Variants in KCND2 observed in about 807,000 individuals in gnomAD.
KCND2 encodes the protein potassium voltage-gated channel subfamily D member 2, also known as A-type voltage-gated potassium channel KCND2.
In KCND2, 16 loss-of-function variants were observed where a neutral mutation model predicts 54.4. The ratio of observed to expected loss-of-function variants is 0.29; its 90% CI spans 0.20 to 0.45. KCND2 has a LOEUF of 0.45. Ranked by LOEUF, KCND2 falls within the 20% of genes least tolerant of loss-of-function variation. The pLI is 1.00. For synonymous variants in KCND2, 317 were observed against 310.7 expected (o/e 1.02, Z -0.21); for missense variants, 486 against 824.2 (o/e 0.59, Z 5.02).
chr7:120,502,958 C>T (rs1802957944), intron 1 of KCND2, among the ~76,000 whole-genome samples: 1 of 152,004 alleles, frequency 6.6e-6, no homozygotes, highest in Non-Finnish European at 1.5e-5. Context: ...ACTTTCCTAG[C>T]TATTTTATAT....
intron 1 of KCND2, among the ~76,000 whole-genome samples, chr7:120,327,670 G>A (rs570422721): frequency 2.4e-4 from 36 of 151,978 alleles, no homozygotes; most frequent in African/African-American, 8.4e-4. Flanking sequence ...CATCAGGAAG[G>A]GATGGAAAAT....
chr7:120,495,474 G>T (rs932670385), intron 1 of KCND2, among the ~76,000 whole-genome samples: 1 of 152,024 alleles, frequency 6.6e-6, no homozygotes, highest in African/African-American at 2.4e-5. Context: ...AGAAAGTTGG[G>T]GCTGTAATGT....
chr7:120,703,167 G>A (rs1475098981), intron 1 of KCND2, among the ~76,000 whole-genome samples: 1 of 152,146 alleles, frequency 6.6e-6, no homozygotes, highest in African/African-American at 2.4e-5. Flanking sequence ...ATCTGAACAG[G>A]AGTCAAATTT....
At chr7:120,543,237 A>G (rs540239543) in intron 1 of KCND2, among the ~76,000 whole-genome samples, 4 of 150,166 alleles carry the variant, frequency 2.7e-5, no homozygotes, top group African/African-American at 9.8e-5. Flanking sequence ...CTTTTTTTTC[A>G]CTTCCTCTCT....
At chr7:120,309,908 A>G (rs1563004711) in intron 1 of KCND2, among the ~76,000 whole-genome samples, 2 of 152,152 alleles carry the variant, frequency 1.3e-5, no homozygotes, top group Non-Finnish European at 2.9e-5. Context: ...AGTCTGTCAT[A>G]ATGATTTGCC....
chr7:120,397,884 T>C (rs1801177137), intron 1 of KCND2, among the ~76,000 whole-genome samples: 1 of 151,010 alleles, frequency 6.6e-6, no homozygotes, highest in Non-Finnish European at 1.5e-5. Flanking sequence ...AGCAAATTCC[T>C]AAATTCCTAA....
intron 1 of KCND2, among the ~76,000 whole-genome samples, chr7:120,462,440 T>C (rs1802297225): frequency 6.6e-6 from 1 of 151,926 alleles, no homozygotes; most frequent in African/African-American, 2.4e-5. Context: ...GCCTTGAGAG[T>C]AAATTTACAG....
At chr7:120,281,053 G>A (rs1485791163) in intron 1 of KCND2, among the ~76,000 whole-genome samples, 1 of 151,964 alleles carries the variant, frequency 6.6e-6, no homozygotes, top group Non-Finnish European at 1.5e-5. Context: ...CCGTTTGGCG[G>A]CAAACTACTC....
chr7:120,639,764 G>A (rs1320155764), intron 1 of KCND2, among the ~76,000 whole-genome samples: 3 of 152,216 alleles, frequency 2.0e-5, no homozygotes, highest in South Asian at 2.1e-4. Context: ...TGTTTGAGCC[G>A]TGTGGGTAAT....
intron 1 of KCND2, among the ~76,000 whole-genome samples, chr7:120,668,208 A>G (rs1325416170): frequency 6.6e-6 from 1 of 152,042 alleles, no homozygotes; most frequent in African/African-American, 2.4e-5. Flanking sequence ...AAAAAATTTC[A>G]CACGTCGATG....
At chr7:120,670,644 C>T (rs1481296693) in intron 1 of KCND2, among the ~76,000 whole-genome samples, 4 of 151,972 alleles carry the variant, frequency 2.6e-5, no homozygotes, top group Non-Finnish European at 2.9e-5. Context: ...GGGCTGGGCG[C>T]GGTGGCTCAT....
chr7:120,355,524 A>T (rs963094913), intron 1 of KCND2, among the ~76,000 whole-genome samples: 32 of 152,066 alleles, frequency 2.1e-4, no homozygotes, highest in African/African-American at 7.5e-4. Flanking sequence ...CTTCAGCCTG[A>T]GTGACAGAGT....
chr7:120,317,039 G>T (rs2116324216), intron 1 of KCND2, among the ~76,000 whole-genome samples: 1 of 152,182 alleles, frequency 6.6e-6, no homozygotes, highest in East Asian at 1.9e-4. Context: ...GTTTCACCCT[G>T]TCAGCCAGGA....
intron 1 of KCND2, among the ~76,000 whole-genome samples, chr7:120,490,284 A>G (rs1802760432): frequency 6.6e-6 from 1 of 152,168 alleles, no homozygotes; most frequent in African/African-American, 2.4e-5. Context: ...GCTAATCACT[A>G]TACAACTATA....
intron 1 of KCND2, among the ~76,000 whole-genome samples, chr7:120,496,192 C>G (rs1167091502): frequency 6.6e-6 from 1 of 152,066 alleles, no homozygotes; most frequent in African/African-American, 2.4e-5. Flanking sequence ...GCAACACTCT[C>G]CCTGAAGAAG....
intron 1 of KCND2, among the ~76,000 whole-genome samples, chr7:120,578,828 G>T (rs1792473434): frequency 6.6e-6 from 1 of 151,960 alleles, no homozygotes; most frequent in Non-Finnish European, 1.5e-5. Context: ...TTGCACCATT[G>T]CACTCCAGCC....
chr7:120,638,044 T>C (rs1262622345), intron 1 of KCND2, among the ~76,000 whole-genome samples: 2 of 152,142 alleles, frequency 1.3e-5, no homozygotes, highest in Admixed American at 1.3e-4. Context: ...TTAGATTATA[T>C]TGGCTTAAAT....
intron 1 of KCND2, among the ~76,000 whole-genome samples, chr7:120,701,240 TAAAAAAAAAAAAAAAA>T (rs34803439): frequency 1.4e-3 from 78 of 55,142 alleles, no homozygotes; most frequent in South Asian, 5.0e-3. Context: ...AATGCCTAGC[TAAAAAAAAAAAAAAAA>T]AAAAAAAAAA....
chr7:120,362,023 T>C (rs574552183), intron 1 of KCND2, among the ~76,000 whole-genome samples: 195 of 152,174 alleles, frequency 1.3e-3, no homozygotes, highest in African/African-American at 4.5e-3. Context: ...ACCAAATCCA[T>C]AATCTTTCAT....
Sources: allele counts gnomAD v4.1 joint callset (sites outside exome capture counted in the v4.1 genomes callset), GRCh38; gene constraint gnomAD v4.1.1; transcripts MANE v1.5; gene names NCBI Gene and HGNC (gene_info 2026-07-23, HGNC 2026-07-21).